Variants in KLHL30 observed in about 807,000 individuals in gnomAD.
KLHL30 encodes the protein kelch like family member 30.
KLHL30 carries 55 observed loss-of-function variants against 55.0 expected under a neutral mutation model. The observed-to-expected ratio is 1.00, with a 90% CI of 0.80 to 1.25. KLHL30 has a LOEUF of 1.25. Ranked by LOEUF, KLHL30 falls within the 50% of genes most tolerant of loss-of-function variation. The pLI is 0.00. For missense variants in KLHL30, 786 were observed against 811.6 expected, an observed-to-expected ratio of 0.97 and a Z score of 0.38; for synonymous variants, 356 against 372.6, an observed-to-expected ratio of 0.96 and a Z score of 0.51.
intron 3 of KLHL30, among the ~76,000 whole-genome samples, chr2:238,143,923 A>C (rs1428000570): frequency 6.6e-6 from 1 of 152,236 alleles, no homozygotes; most frequent in African/African-American, 2.4e-5. Flanking sequence ...CGCATCTCCC[A>C]AAAATGGTCA....
In KLHL30 at chr2:238,151,046, G is replaced by A; in HGVS notation, c.1718G>A (p.Gly573Asp). ...LDVSKWTQPS[G>D]PTQEH Reference sequence around the variant, plus strand: ...GTCTCCAAGTGGACCCAGCCCTCCGGCCCCACCCAGGAGCACTAAACCAGG... The same window carrying A: ...GTCTCCAAGTGGACCCAGCCCTCCGACCCCACCCAGGAGCACTAAACCAGG... The change falls in exon 8 of 8, where the codon GGC becomes GAC. Residue 573 changes from glycine to aspartate, a missense_variant. Physicochemically the swap from Gly to Asp is moderately conservative, Grantham distance 94 (BLOSUM62 -1). Transcript: ENST00000409223. The A allele has an allele frequency of 6.3e-7, 1 of 1,592,228 alleles. No individual in the cohort carries two copies. The highest frequency in any genetic ancestry group is 8.5e-7 in the Non-Finnish European group (1 of 1,170,472).
chr2:238,145,085 C>T (rs967288129), intron 4 of KLHL30, 97 bp downstream of exon 4: 16 of 999,282 alleles, frequency 1.6e-5, no homozygotes, highest in African/African-American at 1.4e-4. Flanking sequence ...GAGGGTTAGT[C>T]AAGGCTTGCC....
chr2:238,145,727 T>G lies in KLHL30; in HGVS notation c.1045T>G (p.Cys349Gly), dbSNP rs768106057. 2 of 1,593,520 alleles carry G rather than the reference T, an allele frequency of 1.3e-6. No homozygotes were observed. The highest frequency in any genetic ancestry group is 4.6e-5 in the East Asian group (2 of 43,768). ...TDTWSTTQAW[C>G]FPLKEASWKP... is the part of the protein sequence containing the mutation. The stretch of plus-strand genomic sequence containing the variant: ...CACCTGGTCAACCACCCAGGCCTGG[T>G]GCTTCCCCCTGAAGGAGGCCTCCTG... The change falls in exon 5 of 8, where the codon TGC (cysteine) becomes GGC (glycine). Residue 349 changes from cysteine (C) to glycine (G), a missense_variant. Coordinates refer to ENST00000409223, the MANE Select transcript of KLHL30 (RefSeq NM_198582.4).
At chr2:238,150,734 C>A (rs919611199) in intron 7 of KLHL30, 80 bp from the exon 8 acceptor site, 1 of 1,475,518 alleles carries the variant, frequency 6.8e-7, no homozygotes, top group Non-Finnish European at 9.1e-7. Context: ...CTCTGCCACT[C>A]CCCCGACCCT....
At chr2:238,142,981 C>T (rs753923849) in intron 3 of KLHL30, 50 bp downstream of exon 3, 9 of 1,481,562 alleles carry the variant, frequency 6.1e-6, no homozygotes, top group Admixed American at 3.0e-5. Context: ...TCTGTCCCAG[C>T]GGGAGCCGCT....
rs1447185331 is a variant in KLHL30, at chr2:238,149,161, C to T, written c.1485+9C>T. The T allele has an allele frequency of 1.2e-6, 2 of 1,612,030 alleles. No individual in the cohort carries two copies. Among genetic ancestry groups the T allele is most frequent in the Non-Finnish European group, 1.7e-6 (2 of 1,179,654 alleles). On this transcript the variant is annotated intron_variant, in intron 7 of 7. Coordinates refer to ENST00000409223, the MANE Select transcript of KLHL30 (RefSeq NM_198582.4). ...CCAACCTGTGGCAGAAGGTGGGCCG[C>T]CCCCTCCCCCAACATGTGTGAGCCC...
intron 3 of KLHL30, among the ~76,000 whole-genome samples, chr2:238,144,390 G>T (rs13429996): frequency 0.012 from 820 of 71,098 alleles, 15 homozygotes; most frequent in African/African-American, 0.039. Context: ...AAGGAAGGAA[G>T]GAAGGAAGGA....
At chr2:238,144,432 A>AAGGAATGAAGGAAGGCAGGC (rs1692608040) in intron 3 of KLHL30, among the ~76,000 whole-genome samples, 30 of 82,380 alleles carry the variant, frequency 3.6e-4, no homozygotes, top group Non-Finnish European at 6.5e-4. Flanking sequence ...GGAAGGAAGG[A>AAGGAATGAAGGAAGGCAGGC]AGGCAGGCAG....
At chr2:238,139,677 T>C (rs1692496252) in intron 1 of KLHL30, among the ~76,000 whole-genome samples, 2 of 152,202 alleles carry the variant, frequency 1.3e-5, no homozygotes, top group African/African-American at 2.4e-5. Flanking sequence ...GTCATTTCCA[T>C]GCGTGGCGTT....
At chr2:238,149,433 A>G (rs1452823511) in intron 7 of KLHL30, among the ~76,000 whole-genome samples, 11 of 151,244 alleles carry the variant, frequency 7.3e-5, no homozygotes, top group African/African-American at 2.7e-4. Context: ...AGGGCCCACA[A>G]TAAAGTGGGT....
intron 7 of KLHL30, 141 bp downstream of exon 7, chr2:238,149,293 G>A: frequency 8.4e-7 from 1 of 1,190,892 alleles, no homozygotes. Context: ...GCCCACAGAG[G>A]GCCCACAGTG....
chr2:238,141,331 G>A lies in KLHL30; in HGVS notation c.577G>A (p.Glu193Lys). Residue 193 changes from glutamate to lysine, a missense_variant, in exon 2 of 8, where the codon GAG (glutamate) becomes AAG (lysine). Transcript: ENST00000409223. ...CGGCGACCTGCTGCAGGTACAGCCG[G>A]AGCAAAGCCGACTCGAGGCCCTGAT... Reference protein sequence around the residue: ...LAGDLLQVQPEQSRLEALMRW... With the variant: ...LAGDLLQVQPKQSRLEALMRW... 6.3e-7 allele frequency: 1 copy of A among 1,597,194 alleles called. No homozygotes were observed. Among genetic ancestry groups the A allele is most frequent in the Non-Finnish European group, 8.5e-7 (1 of 1,175,302 alleles).
At chr2:238,148,105 T>A (rs11674655) in intron 6 of KLHL30, 83 bp downstream of exon 6, 1 of 1,265,412 alleles carries the variant, frequency 7.9e-7, no homozygotes, top group Non-Finnish European at 1.0e-6. Context: ...TGGTGAGGAT[T>A]GGGGCTCCTG....
At position 238,147,238 on chromosome 2, in the gene KLHL30, C is replaced by A. The variant is rs1280891213; in HGVS notation, c.1151-596C>A. Among the ~76,000 whole-genome samples the A allele has an allele frequency of 6.6e-6, 1 of 152,016 alleles. No individual in the cohort carries two copies. Among genetic ancestry groups the A allele is most frequent in the Admixed American group, 6.6e-5 (1 of 15,266 alleles). On this transcript the variant is annotated intron_variant, in intron 5 of 7. Transcript: ENST00000409223. This position sits in a 1 kb window ranked among gnomAD's most constrained non-coding sequence, Gnocchi z 5.8. ...ACTGGTCTTGAGGCCACTTCTAATG[C>A]CCCATCTGTCCCAGCTGTCCCCTTT...
chr2:238,143,555 C>A (rs1338608695), intron 3 of KLHL30, among the ~76,000 whole-genome samples: 1 of 152,278 alleles, frequency 6.6e-6, no homozygotes, highest in Admixed American at 6.5e-5. Context: ...AGGGGCCCCG[C>A]AGCGGCTCTG....
Position 238,145,762 on chromosome 2 carries a change from G to C in KLHL30, c.1080G>C (p.Val360=). Residue 360 remains valine (V), a synonymous_variant, in exon 5 of 8, where the codon GTG becomes GTC. Coordinates refer to ENST00000409223, the MANE Select transcript of KLHL30 (RefSeq NM_198582.4). ...FPLKEASWKP[V]APMLKPRTNH... Reference sequence around the variant, plus strand: ...TGAAGGAGGCCTCCTGGAAGCCCGTGGCGCCCATGCTGAAGCCCCGCACCA... The same window carrying C: ...TGAAGGAGGCCTCCTGGAAGCCCGTCGCGCCCATGCTGAAGCCCCGCACCA... 6.2e-7 allele frequency: 1 copy of C among 1,605,638 alleles called. No homozygotes were observed. Among genetic ancestry groups the C allele is most frequent in the Admixed American group, 1.7e-5 (1 of 59,132 alleles).
rs766099907 is a variant in KLHL30 at position 238,142,796 on chromosome 2, C to G, written c.775-3C>G. 2.2e-6 allele frequency: 3 copies of G among 1,394,366 alleles called. No homozygotes were observed. The East Asian group carries it at 8.8e-5, about 41-fold the overall frequency. The allele number at this position is 1,394,366 out of a possible 1,614,324, so 86.4% of individuals were successfully genotyped here. On this transcript the variant is annotated splice_polypyrimidine_tract_variant and splice_region_variant and intron_variant, in intron 2 of 7. Coordinates refer to ENST00000409223, the MANE Select transcript of KLHL30 (RefSeq NM_198582.4). ...GCCCTGACCCTGGCCTCCCACCCCACAGGCACCACTCGCCCTCCAGCAGAA... is the reference window on the plus strand; with the variant it reads ...GCCCTGACCCTGGCCTCCCACCCCAGAGGCACCACTCGCCCTCCAGCAGAA...
In KLHL30 at chr2:238,141,341, G is replaced by T; in HGVS notation, c.587G>T (p.Arg196Leu). 1 of 1,596,620 alleles carries T rather than the reference G, an allele frequency of 6.3e-7. No homozygotes were observed. Among genetic ancestry groups the T allele is most frequent in the Middle Eastern group, 1.7e-4 (1 of 6,032 alleles). Reference sequence around the variant, plus strand: ...CTGCAGGTACAGCCGGAGCAAAGCCGACTCGAGGCCCTGATGCGCTGGGTG... The same window carrying T: ...CTGCAGGTACAGCCGGAGCAAAGCCTACTCGAGGCCCTGATGCGCTGGGTG... ...DLLQVQPEQS[R>L]LEALMRWVRH... The change falls in exon 2 of 8, where the codon CGA becomes CTA. Residue 196 changes from arginine to leucine, a missense_variant. Coordinates refer to ENST00000409223, the MANE Select transcript of KLHL30 (RefSeq NM_198582.4).
chr2:238,150,949 G>A lies in KLHL30; in HGVS notation c.1621G>A (p.Asp541Asn), dbSNP rs1183445927. ...GATGGAGGCCTACGACACGGTTCGG[G>A]ACACCTGGACCCGCCACGGCGCCCT... is the stretch of plus-strand genomic sequence containing the variant. The part of the protein sequence containing the change: ...VEMEAYDTVR[D>N]TWTRHGALPR... Residue 541 changes from aspartate to asparagine, a missense_variant, in exon 8 of 8, where the codon GAC (aspartate) becomes AAC (asparagine). Coordinates refer to ENST00000409223, the MANE Select transcript of KLHL30 (RefSeq NM_198582.4). 3.2e-6 allele frequency: 5 copies of A among 1,579,768 alleles called. No homozygotes were observed. Among genetic ancestry groups the A allele is most frequent in the Non-Finnish European group, 4.3e-6 (5 of 1,164,202 alleles).
Sources: allele counts gnomAD v4.1 joint callset (sites outside exome capture counted in the v4.1 genomes callset), GRCh38; gene constraint gnomAD v4.1.1; non-coding constraint Gnocchi (gnomAD v3.1); transcripts MANE v1.5; gene names NCBI Gene and HGNC (gene_info 2026-07-23, HGNC 2026-07-21).